WNT10A: variants seen among roughly 807,000 people sequenced by gnomAD.
The protein encoded by WNT10A is protein Wnt-10a.
In WNT10A, 37 loss-of-function variants were observed where a neutral mutation model predicts 36.1. The observed-to-expected ratio is 1.02, with a 90% CI of 0.79 to 1.35. The LOEUF is 1.35. Among genes scored for constraint, WNT10A ranks in the 40% most tolerant of loss-of-function variants. The probability of loss-of-function intolerance (pLI) is 0.00; values close to 1 mark genes in which losing one functional copy is unlikely to be tolerated. For synonymous variants in WNT10A, 255 were observed against 254.1 expected, an observed-to-expected ratio of 1.00 and a Z score of -0.03; for missense variants, 613 against 601.4, an observed-to-expected ratio of 1.02 and a Z score of -0.20.
chr2:218,874,999 G>A, the WNT10A span, among the ~76,000 whole-genome samples: 1 of 151,784 alleles, frequency 6.6e-6, no homozygotes, highest in Admixed American at 6.6e-5. Flanking sequence ...TTCTGCTGGA[G>A]TCTCCACTGT....
At position 218,882,329 on chromosome 2, in the gene WNT10A, C is replaced by T. The variant is rs752237331; in HGVS notation, c.282C>T (p.His94=). The change falls in exon 2 of 4, where the codon CAC becomes CAT. Residue 94 remains histidine, a synonymous_variant. Transcript: ENST00000258411. ...SAIQGIQIAI[H]ECQHQFRDQR... Reference sequence around the variant, plus strand: ...TACAGGGCATCCAGATCGCCATCCACGAATGCCAACACCAATTCAGGGACC... The same window carrying T: ...TACAGGGCATCCAGATCGCCATCCATGAATGCCAACACCAATTCAGGGACC... The T allele has an allele frequency of 1.4e-5, 22 of 1,614,050 alleles. No individual in the cohort carries two copies. The East Asian group carries it at 2.2e-4, about 16-fold the overall frequency.
At chr2:218,880,137 G>C (rs2106010012), upstream of WNT10A, among the ~76,000 whole-genome samples, 1 of 152,292 alleles carries the variant, frequency 6.6e-6, no homozygotes, top group South Asian at 2.1e-4. This position sits in a 1 kb window ranked among gnomAD's most constrained non-coding sequence, Gnocchi z 7.7. Flanking sequence ...CCTGGGGGAA[G>C]TCCCTCCTCT....
rs759258188 is a variant in WNT10A, at chr2:218,882,304, T to C, written c.257T>C (p.Ile86Thr). Residue 86 changes from isoleucine to threonine, a missense_variant, in exon 2 of 4, where the codon ATA becomes ACA. Ile to Thr is a moderately conservative substitution (Grantham distance 89). Coordinates refer to ENST00000258411, the MANE Select transcript of WNT10A (RefSeq NM_025216.3). ...CACCCTGATGTGGCTGCCTCAGCCA[T>C]ACAGGGCATCCAGATCGCCATCCAC... Reference protein sequence around the residue: ...VRHPDVAASAIQGIQIAIHEC... With the variant: ...VRHPDVAASATQGIQIAIHEC... 4.0e-5 allele frequency: 64 copies of C among 1,613,996 alleles called. No individual in the cohort carries two copies. Among genetic ancestry groups the C allele is most frequent in the Non-Finnish European group, 4.7e-5 (56 of 1,180,028 alleles).
intron 2 of WNT10A, among the ~76,000 whole-genome samples, chr2:218,886,579 C>T (rs1944579873): frequency 6.6e-6 from 1 of 152,152 alleles, no homozygotes; most frequent in Non-Finnish European, 1.5e-5. Context: ...GTCCCTGTCC[C>T]AGATCAAAGG....
intron 2 of WNT10A, among the ~76,000 whole-genome samples, chr2:218,882,825 T>C (rs960687269): frequency 2.0e-5 from 3 of 152,050 alleles, no homozygotes; most frequent in Non-Finnish European, 2.9e-5. Flanking sequence ...TGAGGAGGGG[T>C]TGAGGACTTT....
Position 218,892,873 on chromosome 2 carries a change from G to T in WNT10A, c.856G>T (p.Val286Leu), listed in dbSNP as rs751926200. The stretch of plus-strand genomic sequence containing the variant: ...GCAGGTGACGCCCGAGTTCCGCACC[G>T]TGGGGGCGCTGCTGCGCAGCCGCTT... Reference protein sequence around the residue: ...CWQVTPEFRTVGALLRSRFHR... With the variant: ...CWQVTPEFRTLGALLRSRFHR... The change falls in exon 4 of 4, where the codon GTG (valine) becomes TTG (leucine). Residue 286 changes from valine (V) to leucine (L), a missense_variant. Coordinates refer to ENST00000258411, the MANE Select transcript of WNT10A (RefSeq NM_025216.3). 1.9e-6 allele frequency: 3 copies of T among 1,576,244 alleles called. No homozygotes were observed. The highest frequency in any genetic ancestry group is 2.3e-5 in the East Asian group (1 of 42,808).
At chr2:218,888,429 C>T (rs960137306) in intron 2 of WNT10A, among the ~76,000 whole-genome samples, 1 of 152,222 alleles carries the variant, frequency 6.6e-6, no homozygotes. Context: ...TAGCCGCGGC[C>T]CCCAAGAGTG....
In WNT10A at chr2:218,893,447, T is replaced by G; in HGVS notation, c.*176T>G. ...CTGTGATCGCCGGACAGTCCAGGCC[T>G]GTCTGAACCCCACCACTCACTTCTG... On this transcript the variant is annotated 3_prime_UTR_variant, in exon 4 of 4. Transcript: ENST00000258411. This position sits in a 1 kb window ranked among gnomAD's most constrained non-coding sequence, Gnocchi z 6.3. 1.2e-6 allele frequency: 1 copy of G among 851,856 alleles called. No homozygotes were observed. The highest frequency in any genetic ancestry group is 1.7e-6 in the Non-Finnish European group (1 of 581,514). 52.8% of individuals were successfully genotyped at this position (851,856 alleles called of 1,614,324 possible).
the WNT10A span, among the ~76,000 whole-genome samples, chr2:218,875,159 C>CTTTTTTTT: frequency 3.1e-3 from 115 of 36,862 alleles, 47 homozygotes; most frequent in East Asian, 7.0e-3. Context: ...GACTGACTTT[C>CTTTTTTTT]TTTTTTTTTT....
At chr2:218,881,395 C>T (rs1944512584) in intron 1 of WNT10A, among the ~76,000 whole-genome samples, 2 of 152,054 alleles carry the variant, frequency 1.3e-5, no homozygotes, top group East Asian at 3.9e-4. Context: ...AGTTCCTGCC[C>T]TGTTGGGGGA....
At chr2:218,886,927 A>G (rs1465480768) in intron 2 of WNT10A, among the ~76,000 whole-genome samples, 4 of 152,054 alleles carry the variant, frequency 2.6e-5, no homozygotes, top group Admixed American at 2.6e-4. Context: ...CTTTAGCTGC[A>G]TGGGGTAGGG....
At chr2:218,875,597 G>A in the WNT10A span, among the ~76,000 whole-genome samples, 3 of 152,238 alleles carry the variant, frequency 2.0e-5, no homozygotes, top group South Asian at 6.2e-4. Context: ...CTGTGTATTG[G>A]TCAAAACAGT....
At chr2:218,886,679 GC>G (rs1046046641) in intron 2 of WNT10A, among the ~76,000 whole-genome samples, 1 of 141,672 alleles carries the variant, frequency 7.1e-6, no homozygotes, top group Non-Finnish European at 1.5e-5. Flanking sequence ...GCTGGCCATG[GC>G]CCCACCCGCT....
chr2:218,892,169 G>A (rs563301702), intron 3 of WNT10A, among the ~76,000 whole-genome samples: 2 of 152,024 alleles, frequency 1.3e-5, no homozygotes, highest in Non-Finnish European at 1.5e-5. Flanking sequence ...CAGCATAATC[G>A]GGGACAGTTT....
rs1374611883 is a variant in WNT10A at position 218,888,914 on chromosome 2, C to T, written c.377-1070C>T. 2.0e-5 allele frequency among the ~76,000 whole-genome samples: 3 copies of T among 151,866 alleles called. No individual in the cohort carries two copies. The South Asian group carries it at 6.2e-4, about 32-fold the overall frequency. On this transcript the variant is annotated intron_variant, in intron 2 of 3. Transcript: ENST00000258411. ...GTGTACATTTTATTTTATGAAATATCATTTTATTTATTTATTTATTTATTT... is the reference window on the plus strand; with the variant it reads ...GTGTACATTTTATTTTATGAAATATTATTTTATTTATTTATTTATTTATTT...
chr2:218,888,206 C>A (rs934346022), intron 2 of WNT10A, among the ~76,000 whole-genome samples: 1 of 152,206 alleles, frequency 6.6e-6, no homozygotes, highest in East Asian at 1.9e-4. Context: ...CTCTGGTGTG[C>A]GGAGGCTGGT....
intron 1 of WNT10A, among the ~76,000 whole-genome samples, chr2:218,881,467 G>C (rs1283729129): frequency 2.0e-5 from 3 of 152,184 alleles, no homozygotes; most frequent in Admixed American, 1.3e-4. Flanking sequence ...CTCAGCCCCA[G>C]GTAGGGGCAG....
Position 218,890,275 on chromosome 2 carries a change from G to A in WNT10A, c.668G>A (p.Arg223His), listed in dbSNP as rs143424659. Residue 223 changes from arginine to histidine, a missense_variant, in exon 3 of 4, where the codon CGC becomes CAC. Coordinates refer to ENST00000258411, the MANE Select transcript of WNT10A (RefSeq NM_025216.3). The stretch of plus-strand genomic sequence containing the variant: ...AGCCCCGACATGGGCTTCGGGGAGC[G>A]CTTTTCTAAGGACTTTCTGGACTCC... ...GCSPDMGFGE[R>H]FSKDFLDSRE... is the part of the protein sequence containing the mutation. 133 of 1,610,430 alleles carry A rather than the reference G, an allele frequency of 8.3e-5. No homozygotes were observed. The highest frequency in any genetic ancestry group is 7.3e-4 in the African/African-American group (55 of 74,900).
At chr2:218,874,661 C>A in the WNT10A span, among the ~76,000 whole-genome samples, 4 of 152,146 alleles carry the variant, frequency 2.6e-5, no homozygotes, top group Non-Finnish European at 5.9e-5. Flanking sequence ...ACTTCCAGGA[C>A]CCAGAGCCTC....
Sources: gnomAD v4.1 joint callset for allele counts (sites outside exome capture counted in the v4.1 genomes callset) on GRCh38, gnomAD v4.1.1 for gene constraint, Gnocchi (gnomAD v3.1) non-coding constraint, MANE v1.5 for transcripts, NCBI Gene and HGNC (gene_info 2026-07-23, HGNC 2026-07-21) for gene names.